The following TEN1 variants were observed in gnomAD, a reference collection of about 807,000 sequenced individuals.
The protein encoded by TEN1 is TEN1 subunit of CST complex.
A neutral mutation model predicts 9.3 loss-of-function variants in TEN1; 6 were observed. The ratio of observed to expected loss-of-function variants is 0.65; its 90% confidence interval spans 0.35 to 1.27. TEN1 has a LOEUF of 1.27. Among genes scored for constraint, TEN1 ranks in the 50% most tolerant of loss-of-function variants. The pLI is 0.03. For synonymous variants in TEN1, 65 were observed against 65.6 expected, an observed-to-expected ratio of 0.99 and a Z score of 0.04; for missense variants, 149 against 158.2, an observed-to-expected ratio of 0.94 and a Z score of 0.31.
Position 76,000,345 on chromosome 17 carries a change from C to T in TEN1, c.*83C>T. On this transcript the variant is annotated 3_prime_UTR_variant, in exon 4 of 4. Transcript: ENST00000397640. The surrounding 1 kb of genome is among the most constrained non-coding windows in gnomAD (Gnocchi z 5.9). ...CAGGAGCCCGGGAGAGCACAGACGC[C>T]TCCCCAGCGACGGCCTTGTCTGGAG... 1 of 1,463,294 alleles carries T rather than the reference C, an allele frequency of 6.8e-7. No homozygotes were observed. Among genetic ancestry groups the T allele is most frequent in the Non-Finnish European group, 9.1e-7 (1 of 1,100,390 alleles). The allele number at this position is 1,463,294 out of a possible 1,614,324, so 90.6% of individuals were successfully genotyped here.
chr17:75,985,726 G>A (rs545700613), intron 1 of TEN1, among the ~76,000 whole-genome samples: 144 of 151,390 alleles, frequency 9.5e-4, no homozygotes, highest in Non-Finnish European at 1.8e-3. Flanking sequence ...GTTTCTCCAT[G>A]TTGGTCAGGC....
At chr17:75,995,084 G>T (rs2066210837) in intron 3 of TEN1, among the ~76,000 whole-genome samples, 1 of 152,114 alleles carries the variant, frequency 6.6e-6, no homozygotes, top group African/African-American at 2.4e-5. Context: ...ATCCAGGTGT[G>T]GTGGCACAGG....
intron 1 of TEN1, among the ~76,000 whole-genome samples, chr17:75,981,080 G>T (rs1161259804): frequency 6.6e-6 from 1 of 152,180 alleles, no homozygotes; most frequent in Non-Finnish European, 1.5e-5. Context: ...GAATAGAAAA[G>T]ACTTAGATGA....
chr17:76,000,412 C>T lies in TEN1; in HGVS notation c.*150C>T, dbSNP rs1243858993. 2 of 1,186,160 alleles carry T rather than the reference C, an allele frequency of 1.7e-6. No individual in the cohort carries two copies. The highest frequency in any genetic ancestry group is 5.9e-5 in the Admixed American group (2 of 33,858). 73.5% of individuals were successfully genotyped at this position (1,186,160 alleles called of 1,614,324 possible). On this transcript the variant is annotated 3_prime_UTR_variant, in exon 4 of 4. Coordinates refer to ENST00000397640, the MANE Select transcript of TEN1 (RefSeq NM_001113324.3). This position sits in a 1 kb window ranked among gnomAD's most constrained non-coding sequence, Gnocchi z 5.9. ...CGGGTGATGAATCCAGCCCCTTCCC[C>T]TACTTTGGGATTGGCTCAGCAATGA...
At chr17:75,991,763 G>A (rs1040533432) in intron 3 of TEN1, 140 bp downstream of exon 3, 11 of 1,110,116 alleles carry the variant, frequency 9.9e-6, no homozygotes, top group Non-Finnish European at 1.2e-5. Context: ...TAGCCCACAA[G>A]TTCAACACTC....
chr17:75,995,455 C>T (rs1432134768), intron 3 of TEN1, among the ~76,000 whole-genome samples: 2 of 152,188 alleles, frequency 1.3e-5, no homozygotes, highest in East Asian at 1.9e-4. Context: ...GATGTGAATC[C>T]TGCCCTGTGG....
intron 3 of TEN1, among the ~76,000 whole-genome samples, chr17:75,998,605 G>T (rs2066231952): frequency 6.6e-6 from 1 of 152,164 alleles, no homozygotes; most frequent in African/African-American, 2.4e-5. Context: ...TGCTATAAAT[G>T]ACCTAGACTA....
intron 1 of TEN1, among the ~76,000 whole-genome samples, chr17:75,981,214 T>C (rs2066117168): frequency 6.6e-6 from 1 of 152,014 alleles, no homozygotes; most frequent in African/African-American, 2.4e-5. Flanking sequence ...TGAGATGATG[T>C]CTTCCTCTGT....
intron 1 of TEN1, among the ~76,000 whole-genome samples, chr17:75,983,592 A>G (rs1055604395): frequency 6.6e-6 from 1 of 152,240 alleles, no homozygotes; most frequent in Non-Finnish European, 1.5e-5. Context: ...CATGGAGAGC[A>G]TGGCATTACA....
At chr17:75,997,914 G>A (rs765203065) in intron 3 of TEN1, among the ~76,000 whole-genome samples, 81 of 151,810 alleles carry the variant, frequency 5.3e-4, no homozygotes, top group Non-Finnish European at 9.1e-4. Context: ...GAGTGCAGTG[G>A]CACGATCTCT....
At chr17:75,986,910 C>A (rs1217270169) in intron 2 of TEN1, among the ~76,000 whole-genome samples, 1 of 151,894 alleles carries the variant, frequency 6.6e-6, no homozygotes, top group Non-Finnish European at 1.5e-5. Context: ...TATGGAGACA[C>A]CCAATATACG....
At chr17:75,995,150 G>A (rs1177370805) in intron 3 of TEN1, among the ~76,000 whole-genome samples, 1 of 151,264 alleles carries the variant, frequency 6.6e-6, no homozygotes, top group Non-Finnish European at 1.5e-5. Flanking sequence ...GAGTCCAGGA[G>A]TTCAAGGTTA....
chr17:75,985,884 T>C (rs1217381509), intron 1 of TEN1, among the ~76,000 whole-genome samples: 1 of 148,894 alleles, frequency 6.7e-6, no homozygotes, highest in Non-Finnish European at 1.5e-5. Context: ...AAATTTTTTC[T>C]TTTTTATATA....
intron 1 of TEN1, among the ~76,000 whole-genome samples, chr17:75,982,717 T>G (rs2066128785): frequency 6.6e-6 from 1 of 151,884 alleles, no homozygotes; most frequent in Non-Finnish European, 1.5e-5. Context: ...ATTTATTTAT[T>G]TATTATTTTT....
intron 3 of TEN1, among the ~76,000 whole-genome samples, chr17:75,994,349 G>T: frequency 6.7e-6 from 1 of 149,558 alleles, no homozygotes; most frequent in African/African-American, 2.5e-5. Flanking sequence ...CAGGAGAATC[G>T]CTTGAACCCG....
chr17:75,986,056 A>T, intron 1 of TEN1, 131 bp from the exon 2 acceptor site: 5 of 725,762 alleles, frequency 6.9e-6, no homozygotes, highest in Non-Finnish European at 1.1e-5. Context: ...TTTTTTTTTT[A>T]ATTTTAAAAC....
chr17:75,993,114 T>C (rs1431506137), intron 3 of TEN1, among the ~76,000 whole-genome samples: 1 of 150,296 alleles, frequency 6.7e-6, no homozygotes, highest in Non-Finnish European at 1.5e-5. Context: ...ATTTCTTTTT[T>C]TTTTTTTTTT....
At chr17:75,985,962 C>A (rs970747530) in intron 1 of TEN1, among the ~76,000 whole-genome samples, 1 of 151,682 alleles carries the variant, frequency 6.6e-6, no homozygotes, top group Non-Finnish European at 1.5e-5. Flanking sequence ...CATATGTATA[C>A]ATGTGCCATG....
Position 75,991,542 on chromosome 17 carries a change from G to A in TEN1, c.169G>A (p.Val57Ile). 4 of 1,552,362 alleles carry A rather than the reference G, an allele frequency of 2.6e-6. No individual in the cohort carries two copies. The highest frequency in any genetic ancestry group is 1.2e-5 in the South Asian group (1 of 84,064). Residue 57 changes from valine (V) to isoleucine (I), a missense_variant, in exon 3 of 4, where the codon GTC becomes ATC. Physicochemically the swap from Val to Ile is conservative, Grantham distance 29 (BLOSUM62 3). Transcript: ENST00000397640. ...CGGATCCGATCAGCACCAGGTTCTT[G>A]TCTGTACCAAGTTGGTGGAGCCCTT... The part of the protein sequence containing the change: ...QHGSDQHQVL[V>I]CTKLVEPFHA...
Sources: allele counts gnomAD v4.1 joint callset (sites outside exome capture counted in the v4.1 genomes callset), GRCh38; gene constraint gnomAD v4.1.1; non-coding constraint Gnocchi (gnomAD v3.1); transcripts MANE v1.5; gene names NCBI Gene and HGNC (gene_info 2026-07-23, HGNC 2026-07-21).